The following POU2F3 variants were observed in gnomAD, a reference collection of about 807,000 sequenced individuals.
The protein encoded by POU2F3 is POU class 2 homeobox 3.
Under a neutral mutation model 59.2 loss-of-function variants are expected in POU2F3, and 23 were observed. That is an observed-to-expected ratio of 0.39 (90% confidence interval 0.28 to 0.55). The LOEUF is 0.55. Ranked by LOEUF, POU2F3 falls within the 20% of genes least tolerant of loss-of-function variation. The probability of loss-of-function intolerance (pLI) is 0.66; values close to 1 mark genes in which losing one functional copy is unlikely to be tolerated. For missense variants in POU2F3, 473 were observed against 544.5 expected (o/e 0.87, Z 1.31); for synonymous variants, 190 against 214.6 (o/e 0.89, Z 1.00).
chr11:120,305,648 A>C lies in POU2F3; in HGVS notation c.632A>C (p.Asp211Ala). 6.2e-7 allele frequency: 1 copy of C among 1,613,738 alleles called. No individual in the cohort carries two copies. The highest frequency in any genetic ancestry group is 1.1e-5 in the South Asian group (1 of 91,040). Residue 211 changes from aspartate (D) to alanine (A), a missense_variant, in exon 8 of 13, where the codon GAT becomes GCT. Transcript: ENST00000543440. ...CCCCTCGGTCCCCACGCTTAGGGAG[A>C]TGTGGGGCTGGCGATGGGAAAGCTG... is the stretch of plus-strand genomic sequence containing the variant. The part of the protein sequence containing the change: ...RRIKLGFTQG[D>A]VGLAMGKLYG...
chr11:120,306,591 G>T (rs1219208429), intron 8 of POU2F3, among the ~76,000 whole-genome samples: 1 of 151,730 alleles, frequency 6.6e-6, no homozygotes, highest in Non-Finnish European at 1.5e-5. Flanking sequence ...TGTCCCAGGG[G>T]GAGTGGTGGT....
chr11:120,297,936 ATT>A (rs1335660134), intron 3 of POU2F3, among the ~76,000 whole-genome samples: 94 of 113,648 alleles, frequency 8.3e-4, no homozygotes, highest in Non-Finnish European at 7.7e-4. Flanking sequence ...ATGCCTGGCT[ATT>A]TTTTTTTTTT....
At chr11:120,266,767 C>T (rs1939841880) in intron 2 of POU2F3, among the ~76,000 whole-genome samples, 1 of 152,178 alleles carries the variant, frequency 6.6e-6, no homozygotes, top group African/African-American at 2.4e-5. Context: ...CCTTCTTGTT[C>T]TCCACAGTAA....
chr11:120,298,230 C>A, intron 3 of POU2F3, 35 bp from the exon 4 acceptor site: 1 of 1,592,422 alleles, frequency 6.3e-7, no homozygotes, highest in Non-Finnish European at 8.5e-7. Flanking sequence ...TGACGGGATC[C>A]AGCACTGACG....
chr11:120,270,369 G>A (rs1169408561), intron 3 of POU2F3, among the ~76,000 whole-genome samples: 4 of 152,160 alleles, frequency 2.6e-5, no homozygotes, highest in Admixed American at 6.5e-5. Context: ...CCTCATTTAT[G>A]TTTTACTAGA....
At chr11:120,269,277 C>A in intron 3 of POU2F3, 33 bp downstream of exon 3, 2 of 1,548,608 alleles carry the variant, frequency 1.3e-6, no homozygotes, top group South Asian at 1.1e-5. Flanking sequence ...AACGTTTATT[C>A]TATAAAATTT....
intron 2 of POU2F3, among the ~76,000 whole-genome samples, chr11:120,264,902 T>C (rs779025896): frequency 1.3e-5 from 2 of 152,208 alleles, no homozygotes; most frequent in Admixed American, 6.5e-5. Flanking sequence ...ATATAATCAT[T>C]GCATCTCTTC....
chr11:120,275,819 C>G (rs1346437420), intron 3 of POU2F3, among the ~76,000 whole-genome samples: 2 of 152,206 alleles, frequency 1.3e-5, no homozygotes, highest in African/African-American at 2.4e-5. Flanking sequence ...CCAGCTCGTC[C>G]TGAGGAGTTG....
chr11:120,248,293 AC>A (rs1167092994), intron 2 of POU2F3, among the ~76,000 whole-genome samples: 1 of 152,204 alleles, frequency 6.6e-6, no homozygotes, highest in Non-Finnish European at 1.5e-5. Context: ...CTAGAATCAA[AC>A]AGACCTGGGA....
At chr11:120,242,422 G>A (rs1032907543) in intron 1 of POU2F3, among the ~76,000 whole-genome samples, 2 of 152,108 alleles carry the variant, frequency 1.3e-5, no homozygotes, top group African/African-American at 2.4e-5. Context: ...CCTCTCTAGG[G>A]TCCCTTAGTC....
At chr11:120,316,980 G>C (rs1452679724) in intron 11 of POU2F3, among the ~76,000 whole-genome samples, 1 of 152,148 alleles carries the variant, frequency 6.6e-6, no homozygotes, top group Non-Finnish European at 1.5e-5. Context: ...GCAAGTCTTA[G>C]ACTTGCAGAA....
intron 8 of POU2F3, 46 bp from the exon 9 acceptor site, chr11:120,307,433 C>T (rs1196369840): frequency 1.2e-6 from 2 of 1,605,650 alleles, no homozygotes; most frequent in African/African-American, 1.3e-5. Context: ...GCACCGGCCA[C>T]TCATCCCCTT....
chr11:120,251,306 G>T (rs1296707525), intron 2 of POU2F3, among the ~76,000 whole-genome samples: 1 of 152,204 alleles, frequency 6.6e-6, no homozygotes. Context: ...ACATGTGTGA[G>T]CCTGTGCGTG....
chr11:120,236,679 G>C (rs1443797600), upstream of POU2F3: 3 of 1,505,272 alleles, frequency 2.0e-6, no homozygotes, highest in South Asian at 2.4e-5. Flanking sequence ...GTTTCATGGA[G>C]TCTCCAAGAA....
chr11:120,283,639 C>T (rs1280241065), intron 3 of POU2F3, among the ~76,000 whole-genome samples: 1 of 152,114 alleles, frequency 6.6e-6, no homozygotes, highest in Non-Finnish European at 1.5e-5. Context: ...CCCTAGCCTG[C>T]CCCCACCCAC....
chr11:120,250,005 A>T (rs1265819179), intron 2 of POU2F3: 2 of 152,202 alleles, frequency 1.3e-5, no homozygotes, highest in Non-Finnish European at 2.9e-5. Context: ...GCGTTTCCCC[A>T]CATGGACCTT....
At chr11:120,274,505 C>T (rs1343528658) in intron 3 of POU2F3, among the ~76,000 whole-genome samples, 1 of 152,186 alleles carries the variant, frequency 6.6e-6, no homozygotes, top group Non-Finnish European at 1.5e-5. Flanking sequence ...ATGAGTTAAA[C>T]ATGGCTGAGA....
intron 3 of POU2F3, among the ~76,000 whole-genome samples, chr11:120,291,151 G>A (rs544370769): frequency 6.6e-6 from 1 of 152,308 alleles, no homozygotes; most frequent in South Asian, 2.1e-4. Context: ...ACTCTGAGTG[G>A]GGTTCAGAGT....
chr11:120,265,370 G>T (rs1015332223), intron 2 of POU2F3: 3 of 120,782 alleles, frequency 2.5e-5, no homozygotes, highest in African/African-American at 9.8e-5. Context: ...CTGCCCTCCG[G>T]CAGCGCTAGG....
Sources: gnomAD v4.1 joint callset for allele counts (sites outside exome capture counted in the v4.1 genomes callset) on GRCh38, gnomAD v4.1.1 for gene constraint, MANE v1.5 for transcripts, NCBI Gene and HGNC (gene_info 2026-07-23, HGNC 2026-07-21) for gene names.